Variants in RAB7A observed in about 807,000 individuals in gnomAD.
The protein encoded by RAB7A is RAB7A, member RAS oncogene family.
A neutral mutation model predicts 24.5 loss-of-function variants in RAB7A; 2 were observed. The observed-to-expected ratio is 0.08, with a 90% CI of 0.03 to 0.26. The LOEUF (loss-of-function observed/expected upper bound fraction) is 0.26, where lower values mean the gene tolerates loss of function less well. RAB7A is among the 10% of genes least tolerant of loss of function. The pLI, the probability that RAB7A is intolerant of heterozygous loss-of-function variation, is 1.00. For synonymous variants in RAB7A, 100 were observed against 95.9 expected (o/e 1.04, Z -0.25); for missense variants, 118 against 255.7 (o/e 0.46, Z 3.67).
intron 5 of RAB7A, among the ~76,000 whole-genome samples, chr3:128,808,692 G>A (rs1390703589): frequency 2.0e-5 from 3 of 151,390 alleles, no homozygotes; most frequent in Non-Finnish European, 2.9e-5. Context: ...GGCAGGTCAC[G>A]AGGCCTCATC....
Position 128,731,111 on chromosome 3 carries a change from G to T in RAB7A, c.-9+4752G>T, listed in dbSNP as rs551188605. Among the ~76,000 whole-genome samples, 71 of 152,258 alleles carry T rather than the reference G, an allele frequency of 4.7e-4. 1 individual carries two copies. In the South Asian group the frequency reaches 0.014, roughly 31 times the overall value. On this transcript the variant is annotated intron_variant, in intron 1 of 5. Coordinates refer to ENST00000265062, the MANE Select transcript of RAB7A (RefSeq NM_004637.6). ...CTGGGCATTAACCATCTCAGATCAG[G>T]AGTCCTTTAAAAGTTACTTAGTGAA...
chr3:128,813,603 G>GCACA lies in RAB7A; in HGVS notation c.*194_*197dup, dbSNP rs139417205. ...ATATCTCTCACACACACACACACAC[G>GCACA]CACACACACACACACAGATCTGACG... is the stretch of plus-strand genomic sequence containing the variant. On this transcript the variant is annotated 3_prime_UTR_variant, in exon 6 of 6. Transcript: ENST00000265062. The GCACA allele has an allele frequency of 2.7e-5, 14 of 512,768 alleles. No individual in the cohort carries two copies. The highest frequency in any genetic ancestry group is 2.9e-4 in the Middle Eastern group (1 of 3,432). The allele number at this position is 512,768 out of a possible 1,614,324, so 31.8% of individuals were successfully genotyped here.
chr3:128,784,760 G>A (rs573636840), intron 1 of RAB7A, among the ~76,000 whole-genome samples: 26 of 152,102 alleles, frequency 1.7e-4, no homozygotes, highest in Admixed American at 1.6e-3. Flanking sequence ...CCCAACCAAG[G>A]TAATTACCCT....
chr3:128,731,874 C>T (rs2070441005), intron 1 of RAB7A, among the ~76,000 whole-genome samples: 1 of 151,550 alleles, frequency 6.6e-6, no homozygotes, highest in Admixed American at 6.6e-5. Flanking sequence ...GGCATAGTGG[C>T]ATGCACTGTA....
intron 1 of RAB7A, among the ~76,000 whole-genome samples, chr3:128,742,388 G>A (rs1028212936): frequency 3.9e-5 from 6 of 152,166 alleles, no homozygotes; most frequent in Non-Finnish European, 7.3e-5. Context: ...GGGGACCCGA[G>A]CGGGTTGCCC....
intron 5 of RAB7A, among the ~76,000 whole-genome samples, chr3:128,809,512 T>C (rs1201385792): frequency 6.6e-6 from 1 of 152,224 alleles, no homozygotes; most frequent in Non-Finnish European, 1.5e-5. Flanking sequence ...CATGAGCTGT[T>C]GGTGAATTGA....
At chr3:128,754,220 T>C (rs1416183124) in intron 1 of RAB7A, among the ~76,000 whole-genome samples, 1 of 152,214 alleles carries the variant, frequency 6.6e-6, no homozygotes, top group Admixed American at 6.5e-5. Context: ...AAGTTATTAG[T>C]CTGTGTTTTG....
chr3:128,790,137 G>A, intron 1 of RAB7A, among the ~76,000 whole-genome samples: 1 of 152,174 alleles, frequency 6.6e-6, no homozygotes, highest in East Asian at 1.9e-4. Context: ...TGATCTGGGA[G>A]AACATTAAGT....
chr3:128,772,259 G>C (rs1045979241), intron 1 of RAB7A, among the ~76,000 whole-genome samples: 1 of 152,218 alleles, frequency 6.6e-6, no homozygotes, highest in Non-Finnish European at 1.5e-5. Flanking sequence ...TAGAGTTGCT[G>C]AAGGGCAGTG....
chr3:128,783,714 G>C (rs561969558), intron 1 of RAB7A, among the ~76,000 whole-genome samples: 1 of 152,132 alleles, frequency 6.6e-6, no homozygotes, highest in African/African-American at 2.4e-5. Flanking sequence ...GCTGCTCTCT[G>C]TACCTGAACC....
chr3:128,811,135 T>C (rs181627759), intron 5 of RAB7A, among the ~76,000 whole-genome samples: 16 of 151,948 alleles, frequency 1.1e-4, no homozygotes, highest in African/African-American at 3.9e-4. Flanking sequence ...ATTGATTCTT[T>C]TTTTTTTTAG....
rs140972563 is a variant in RAB7A, at chr3:128,758,928, A to G, written c.-9+32569A>G. Among the ~76,000 whole-genome samples the G allele has an allele frequency of 4.3e-4, 65 of 152,296 alleles. 1 individual carries two copies. The East Asian group carries it at 0.013, about 29-fold the overall frequency. ...CAAAGAAACAAAATCCCTGGCTCAG[A>G]GTTTTAAGGGGACTTACTGTTCTAA... On this transcript the variant is annotated intron_variant, in intron 1 of 5. Transcript: ENST00000265062.
intron 1 of RAB7A, among the ~76,000 whole-genome samples, chr3:128,761,929 C>T (rs2070778764): frequency 6.6e-6 from 1 of 152,194 alleles, no homozygotes; most frequent in Admixed American, 6.5e-5. Context: ...GTGCACTTAA[C>T]TGTGCAGAAG....
At chr3:128,796,579 T>C (rs1024642705) in intron 2 of RAB7A, among the ~76,000 whole-genome samples, 1 of 152,228 alleles carries the variant, frequency 6.6e-6, no homozygotes, top group African/African-American at 2.4e-5. Flanking sequence ...GGTATGCTTC[T>C]TTATTCCAAA....
intron 1 of RAB7A, among the ~76,000 whole-genome samples, chr3:128,764,198 A>C (rs2070803821): frequency 6.6e-6 from 1 of 152,082 alleles, no homozygotes; most frequent in Non-Finnish European, 1.5e-5. Context: ...GGCTCCTCCC[A>C]GTCACCTCAG....
chr3:128,749,051 G>C (rs776609093), intron 1 of RAB7A: 4 of 152,234 alleles, frequency 2.6e-5, no homozygotes, highest in Non-Finnish European at 5.9e-5. Context: ...GCCAAAGCCA[G>C]AGTCTGCTGT....
chr3:128,737,916 T>G (rs979047195), intron 1 of RAB7A, among the ~76,000 whole-genome samples: 2 of 146,144 alleles, frequency 1.4e-5, no homozygotes, highest in African/African-American at 5.0e-5. Context: ...CCTCAAGTGA[T>G]CCTCCTATTT....
Position 128,747,307 on chromosome 3 carries a change from C to A in RAB7A, c.-9+20948C>A, listed in dbSNP as rs188958858. On this transcript the variant is annotated intron_variant, in intron 1 of 5. Transcript: ENST00000265062. ...ACCCTGTCTCTTAAAAAATAATCGG[C>A]CGGGCGCAGTGGCTCACGCCTGTAA... Among the ~76,000 whole-genome samples the A allele has an allele frequency of 2.0e-4, 30 of 149,178 alleles. No individual in the cohort carries two copies. The East Asian group carries it at 6.1e-3, about 30-fold the overall frequency.
chr3:128,814,447 C>T lies in RAB7A; in HGVS notation c.*1025C>T, dbSNP rs1014778183. 4.6e-5 allele frequency: 7 copies of T among 152,556 alleles called. No individual in the cohort carries two copies. Among genetic ancestry groups the T allele is most frequent in the South Asian group, 4.1e-4 (2 of 4,828 alleles). 9.5% of individuals were successfully genotyped at this position (152,556 alleles called of 1,614,324 possible). On this transcript the variant is annotated 3_prime_UTR_variant, in exon 6 of 6. Transcript: ENST00000265062. ...CCCCTGCTCCACACTTCAAAACTCC[C>T]GTTAGATCAGCATTCTACTACAAGA... is the stretch of plus-strand genomic sequence containing the variant.
Sources: gnomAD v4.1 joint callset for allele counts (sites outside exome capture counted in the v4.1 genomes callset) on GRCh38, gnomAD v4.1.1 for gene constraint, MANE v1.5 for transcripts, NCBI Gene and HGNC (gene_info 2026-07-23, HGNC 2026-07-21) for gene names.